The following TRAPPC9 variants were observed in gnomAD, a reference collection of about 807,000 sequenced individuals.
TRAPPC9 encodes the protein IKK2 binding protein.
Under a neutral mutation model 124.0 loss-of-function variants are expected in TRAPPC9, and 83 were observed. The observed-to-expected ratio is 0.67, with a 90% CI of 0.56 to 0.80. The LOEUF is 0.80. Ranked by LOEUF, TRAPPC9 falls within the 30% of genes least tolerant of loss-of-function variation. TRAPPC9 has a pLI of 0.00. For synonymous variants in TRAPPC9, 638 were observed against 617.5 expected (o/e 1.03, Z -0.49); for missense variants, 1,302 against 1,508.3 (o/e 0.86, Z 2.27).
chr8:139,784,845 T>C (rs1254573703), intron 21 of TRAPPC9, among the ~76,000 whole-genome samples: 1 of 152,018 alleles, frequency 6.6e-6, no homozygotes, highest in Non-Finnish European at 1.5e-5. Flanking sequence ...ACCTTGATCC[T>C]GGTTAGGAAA....
chr8:139,902,982 G>A (rs766389565), intron 20 of TRAPPC9, among the ~76,000 whole-genome samples: 1 of 152,116 alleles, frequency 6.6e-6, no homozygotes, highest in Non-Finnish European at 1.5e-5. Context: ...GACAAACACC[G>A]CCGCCACTGT....
At chr8:140,303,090 C>G (rs979917904) in intron 10 of TRAPPC9, among the ~76,000 whole-genome samples, 1 of 152,158 alleles carries the variant, frequency 6.6e-6, no homozygotes, top group African/African-American at 2.4e-5. Context: ...AAACACCTCT[C>G]TGAATAAATG....
chr8:139,996,730 C>T (rs79821464), intron 18 of TRAPPC9, among the ~76,000 whole-genome samples: 1 of 152,092 alleles, frequency 6.6e-6, no homozygotes, highest in Non-Finnish European at 1.5e-5. Flanking sequence ...GCTGTTGTTG[C>T]TATTTTTTTG....
At chr8:139,749,339 C>T (rs138582501) in intron 21 of TRAPPC9, among the ~76,000 whole-genome samples, 3 of 152,206 alleles carry the variant, frequency 2.0e-5, no homozygotes, top group South Asian at 2.1e-4. Context: ...AATGGACAGA[C>T]GATAAGATGG....
intron 16 of TRAPPC9, among the ~76,000 whole-genome samples, chr8:140,233,623 C>CACACACACA (rs1554648047): frequency 1.3e-3 from 119 of 90,874 alleles, no homozygotes; most frequent in African/African-American, 2.1e-3. Flanking sequence ...TCTCTCCCCA[C>CACACACACA]CACACACACA....
At position 139,732,401 on chromosome 8, in the gene TRAPPC9, GT is replaced by G. The variant is rs571064111; in HGVS notation, c.3056-200del. On this transcript the variant is annotated intron_variant, in intron 21 of 22. Coordinates refer to ENST00000438773, the MANE Select transcript of TRAPPC9 (RefSeq NM_001160372.4). ...CGGAAGAGGAACCTGGCAAAGACGG[GT>G]GTGGTGGCTAGAGCTATGACTCAAG... Among the ~76,000 whole-genome samples, 105 of 152,362 alleles carry G rather than the reference GT, an allele frequency of 6.9e-4. 1 individual carries two copies. The highest frequency in any genetic ancestry group is 7.3e-4 in the Non-Finnish European group (50 of 68,034).
Position 140,322,301 on chromosome 8 carries a change from T to C in TRAPPC9, c.1496-10927A>G, listed in dbSNP as rs1428621280. On this transcript the variant is annotated intron_variant, in intron 9 of 22. Transcript: ENST00000438773. ...CTGACCAAACACCTGAAGCTAAAGA[T>C]GAAATGACCCCAAGGAGAGCTAGGA... is the stretch of plus-strand genomic sequence containing the variant. 3.3e-5 allele frequency among the ~76,000 whole-genome samples: 5 copies of C among 152,126 alleles called. No homozygotes were observed. In the East Asian group the frequency reaches 9.7e-4, roughly 29 times the overall value.
chr8:139,938,732 G>A (rs1206687199), intron 19 of TRAPPC9, among the ~76,000 whole-genome samples: 4 of 150,662 alleles, frequency 2.7e-5, no homozygotes, highest in Non-Finnish European at 5.9e-5. Context: ...TGCAAGCTCC[G>A]CTTCCCGGGT....
At chr8:140,148,790 G>A (rs549840872) in intron 17 of TRAPPC9, among the ~76,000 whole-genome samples, 1 of 152,282 alleles carries the variant, frequency 6.6e-6, no homozygotes, top group South Asian at 2.1e-4. Context: ...GGACTAGTAA[G>A]CTCATAGTTT....
Position 139,730,749 on chromosome 8 carries a change from A to G in TRAPPC9, c.*312T>C, listed in dbSNP as rs1817761805. The G allele has an allele frequency of 7.2e-6, 3 of 414,108 alleles. No homozygotes were observed. The highest frequency in any genetic ancestry group is 9.4e-5 in the East Asian group (2 of 21,284). 25.7% of individuals were successfully genotyped at this position (414,108 alleles called of 1,614,324 possible). A position where few individuals can be genotyped will look rare whatever the true frequency, so the allele number is the denominator to read the frequency against. On this transcript the variant is annotated 3_prime_UTR_variant, in exon 23 of 23. Transcript: ENST00000438773. ...CAGCACGGCTGGGGCCCCAGGTCAC[A>G]GAAATGGGTGCAGGGATCCTGGGAC... is the stretch of plus-strand genomic sequence containing the variant.
chr8:139,837,058 G>C (rs937380364), intron 21 of TRAPPC9, among the ~76,000 whole-genome samples: 1 of 152,106 alleles, frequency 6.6e-6, no homozygotes. Context: ...GTGACAGTTA[G>C]GTTTTAATAG....
intron 18 of TRAPPC9, 73 bp downstream of exon 18, chr8:140,023,862 ACT>A (rs1839961381): frequency 5.6e-6 from 9 of 1,607,636 alleles, no homozygotes; most frequent in Non-Finnish European, 6.8e-6. Flanking sequence ...ACAAAAACAC[ACT>A]GAGGTCAGGA....
chr8:140,043,554 T>C lies in TRAPPC9; in HGVS notation c.2557-19475A>G, dbSNP rs117983317. Among the ~76,000 whole-genome samples, 89 of 152,324 alleles carry C rather than the reference T, an allele frequency of 5.8e-4. No individual in the cohort carries two copies. The East Asian group carries it at 0.016, about 27-fold the overall frequency. ...CCCAGCCGACCATCCTGAGGCCTGA[T>C]GGGTCAGTGTCATAACTCTTGAGAT... is the stretch of plus-strand genomic sequence containing the variant. On this transcript the variant is annotated intron_variant, in intron 17 of 22. Coordinates refer to ENST00000438773, the MANE Select transcript of TRAPPC9 (RefSeq NM_001160372.4).
chr8:140,135,629 G>A (rs560306298), intron 17 of TRAPPC9, among the ~76,000 whole-genome samples: 3 of 152,326 alleles, frequency 2.0e-5, no homozygotes, highest in East Asian at 3.9e-4. Flanking sequence ...CCAGGTGCTA[G>A]GAGTATGGAA....
At chr8:139,950,759 T>C (rs1350486738) in intron 19 of TRAPPC9, among the ~76,000 whole-genome samples, 5 of 152,142 alleles carry the variant, frequency 3.3e-5, no homozygotes, top group African/African-American at 9.7e-5. Flanking sequence ...GGTGAAAACA[T>C]TCAGCAACTG....
At chr8:140,233,654 A>C (rs1035277689) in intron 16 of TRAPPC9, among the ~76,000 whole-genome samples, 61 of 38,200 alleles carry the variant, frequency 1.6e-3, no homozygotes, top group African/African-American at 3.9e-3. Flanking sequence ...CACACACATA[A>C]ACACACCCTC....
At chr8:139,806,006 C>T (rs1019562525) in intron 21 of TRAPPC9, 1 of 152,270 alleles carries the variant, frequency 6.6e-6, no homozygotes, top group Non-Finnish European at 1.5e-5. Context: ...AAGGAAGCCC[C>T]GAGCTCTCAG....
chr8:140,000,498 A>G (rs1303321395), intron 18 of TRAPPC9, among the ~76,000 whole-genome samples: 23 of 152,254 alleles, frequency 1.5e-4, no homozygotes, highest in Non-Finnish European at 2.9e-4. Flanking sequence ...CAAAGGGCTA[A>G]TATCCAGAAT....
intron 2 of TRAPPC9, 97 bp downstream of exon 2, chr8:140,450,690 GACA>G: frequency 1.0e-6 from 1 of 976,582 alleles, no homozygotes; most frequent in South Asian, 1.4e-5. Flanking sequence ...AAAACCAATG[GACA>G]ACACCTTTCT....
Sources: gnomAD v4.1 joint callset for allele counts (sites outside exome capture counted in the v4.1 genomes callset) on GRCh38, gnomAD v4.1.1 for gene constraint, MANE v1.5 for transcripts, NCBI Gene and HGNC (gene_info 2026-07-23, HGNC 2026-07-21) for gene names.